The following NR5A2 variants were observed in gnomAD, a reference collection of about 807,000 sequenced individuals.
NR5A2 encodes nuclear receptor subfamily 5 group A member 2, also known as CYP7A promoter-binding factor.
NR5A2 carries 26 observed loss-of-function variants against 62.7 expected under a neutral mutation model. The ratio of observed to expected loss-of-function variants is 0.41; its 90% CI spans 0.30 to 0.58. The LOEUF (loss-of-function observed/expected upper bound fraction) is 0.58. Among genes scored for constraint, NR5A2 ranks in the 20% least tolerant of loss-of-function variants. NR5A2 has a pLI of 0.22. For synonymous variants in NR5A2, 246 were observed against 241.7 expected (o/e 1.02, Z -0.16); for missense variants, 541 against 669.1 (o/e 0.81, Z 2.11).
At chr1:200,133,505 C>CTATATA (rs138519275) in intron 7 of NR5A2, among the ~76,000 whole-genome samples, 3,273 of 134,322 alleles carry the variant, frequency 0.024, 148 homozygotes, top group African/African-American at 0.087. Context: ...CACTGATGGA[C>CTATATA]TATATATATA....
chr1:200,123,095 A>G (rs1666548011), intron 7 of NR5A2, among the ~76,000 whole-genome samples: 1 of 152,150 alleles, frequency 6.6e-6, no homozygotes, highest in South Asian at 2.1e-4. Context: ...CTGCTGTCCC[A>G]GATGCTCCTC....
In NR5A2 at chr1:200,039,673, A is replaced by C. The variant is rs1661962905; in HGVS notation, c.80A>C (p.Asp27Ala). Residue 27 changes from aspartate (D) to alanine (A), a missense_variant, in exon 2 of 8, where the codon GAC becomes GCC. Asp to Ala is a moderately radical substitution (Grantham distance 126, BLOSUM62 -2). Transcript: ENST00000367362. The surrounding 1 kb of genome is among the most constrained non-coding windows in gnomAD (Gnocchi z 5.1). ...GLTPIGAGLPDRHGSPIPARG... is the reference protein window; with the variant it reads ...GLTPIGAGLPARHGSPIPARG... ...CCGTGTCCAGGTGCTGGGCTTCCGGACCGACACGGATCCCCCATCCCCGCC... is the reference window on the plus strand; with the variant it reads ...CCGTGTCCAGGTGCTGGGCTTCCGGCCCGACACGGATCCCCCATCCCCGCC... The C allele has an allele frequency of 1.9e-6, 3 of 1,609,848 alleles. No individual in the cohort carries two copies. The highest frequency in any genetic ancestry group is 3.3e-5 in the Admixed American group (2 of 59,820).
chr1:200,149,413 A>G (rs183876771), intron 7 of NR5A2, among the ~76,000 whole-genome samples: 222 of 152,228 alleles, frequency 1.5e-3, no homozygotes, highest in African/African-American at 5.3e-3. Context: ...CTTGCCCTTC[A>G]TGGGTCCTGG....
At chr1:200,087,241 AAC>A (rs34917175) in intron 5 of NR5A2, among the ~76,000 whole-genome samples, 5,415 of 148,250 alleles carry the variant, frequency 0.037, 282 homozygotes, top group African/African-American at 0.11. Context: ...CTTCTTCACC[AAC>A]ACACACACAC....
chr1:200,139,708 T>C (rs1667367882), intron 7 of NR5A2, among the ~76,000 whole-genome samples: 1 of 152,256 alleles, frequency 6.6e-6, no homozygotes, highest in Admixed American at 6.5e-5. Flanking sequence ...GTTTCTCATT[T>C]GATGAAAGCA....
intron 7 of NR5A2, among the ~76,000 whole-genome samples, chr1:200,143,224 T>G (rs1012918587): frequency 2.0e-5 from 3 of 152,170 alleles, no homozygotes; most frequent in African/African-American, 7.2e-5. Flanking sequence ...CTCTATGAGA[T>G]CCTGAGTCCA....
intron 7 of NR5A2, among the ~76,000 whole-genome samples, chr1:200,132,008 C>T (rs79771403): frequency 0.015 from 2,316 of 152,140 alleles, 57 homozygotes; most frequent in African/African-American, 0.052. Flanking sequence ...TATGAAATGA[C>T]AACATAGAGT....
intron 5 of NR5A2, among the ~76,000 whole-genome samples, chr1:200,085,737 G>A (rs1196630564): frequency 1.3e-5 from 2 of 151,786 alleles, no homozygotes; most frequent in African/African-American, 4.8e-5. Context: ...GTACAAAACT[G>A]TGAATCCCAA....
chr1:200,079,886 A>G (rs961262501), intron 5 of NR5A2, among the ~76,000 whole-genome samples: 20 of 152,236 alleles, frequency 1.3e-4, no homozygotes, highest in Admixed American at 9.8e-4. Context: ...AAAAATGGTG[A>G]AAGGGATGTT....
At chr1:200,149,116 T>G (rs939894085) in intron 7 of NR5A2, among the ~76,000 whole-genome samples, 1 of 152,184 alleles carries the variant, frequency 6.6e-6, no homozygotes, top group African/African-American at 2.4e-5. Context: ...TTTCACTATG[T>G]TGGCCAGACT....
intron 5 of NR5A2, among the ~76,000 whole-genome samples, chr1:200,063,721 C>T (rs1571737307): frequency 6.6e-6 from 1 of 152,110 alleles, no homozygotes; most frequent in Non-Finnish European, 1.5e-5. Context: ...TAAAGCTGCC[C>T]CTAAAACATT....
intron 7 of NR5A2, among the ~76,000 whole-genome samples, chr1:200,133,505 CTA>C (rs138519275): frequency 0.021 from 2,753 of 134,266 alleles, 102 homozygotes; most frequent in African/African-American, 0.071. Flanking sequence ...CACTGATGGA[CTA>C]TATATATATA....
intron 4 of NR5A2, among the ~76,000 whole-genome samples, chr1:200,046,745 A>G (rs912075877): frequency 1.2e-4 from 19 of 152,340 alleles, no homozygotes; most frequent in Admixed American, 6.5e-4. Context: ...ATTGTGGTAG[A>G]TGCTTACTAC....
rs948139442 is a variant in NR5A2, at chr1:200,106,992, G to A, written c.1111-4210G>A. 3.9e-5 allele frequency among the ~76,000 whole-genome samples: 6 copies of A among 152,118 alleles called. No individual in the cohort carries two copies. In the East Asian group the frequency reaches 5.8e-4, roughly 15 times the overall value. ...GAATGTTGGCATAGAAAACCTCCTC[G>A]GAGAGTATTAAAACAAGGAATCAAT... On this transcript the variant is annotated intron_variant, in intron 5 of 7. Transcript: ENST00000367362.
chr1:200,169,688 C>G (rs1168782758), intron 7 of NR5A2, among the ~76,000 whole-genome samples: 4 of 152,170 alleles, frequency 2.6e-5, no homozygotes, highest in Admixed American at 2.6e-4. Context: ...TAGATGATAA[C>G]AGATTGATAC....
chr1:200,055,021 C>T (rs1249119241), intron 5 of NR5A2, among the ~76,000 whole-genome samples: 1 of 151,930 alleles, frequency 6.6e-6, no homozygotes, highest in Non-Finnish European at 1.5e-5. Context: ...TTTAGCTTCC[C>T]AAATAGCTGG....
At chr1:200,113,981 G>A (rs2102298219) in intron 6 of NR5A2, among the ~76,000 whole-genome samples, 1 of 152,230 alleles carries the variant, frequency 6.6e-6, no homozygotes, top group South Asian at 2.1e-4. Flanking sequence ...AGGGGTTCGA[G>A]ACCAGCCTGG....
At chr1:200,100,995 T>C (rs1665339528) in intron 5 of NR5A2, among the ~76,000 whole-genome samples, 1 of 152,364 alleles carries the variant, frequency 6.6e-6, no homozygotes, top group East Asian at 1.9e-4. Flanking sequence ...TATTTCCCTT[T>C]ATCCTCATGT....
chr1:200,067,001 C>T (rs1455705448), intron 5 of NR5A2, among the ~76,000 whole-genome samples: 1 of 152,230 alleles, frequency 6.6e-6, no homozygotes, highest in Non-Finnish European at 1.5e-5. Flanking sequence ...CACGTGGCTA[C>T]CCCTTGCTTC....
Sources: allele counts gnomAD v4.1 joint callset (sites outside exome capture counted in the v4.1 genomes callset), GRCh38; gene constraint gnomAD v4.1.1; non-coding constraint Gnocchi (gnomAD v3.1); transcripts MANE v1.5; gene names NCBI Gene and HGNC (gene_info 2026-07-23, HGNC 2026-07-21).